WDFY3: variants seen among roughly 807,000 people sequenced by gnomAD.
WDFY3 encodes WD repeat and FYVE domain containing 3.
A neutral mutation model predicts 409.6 loss-of-function variants in WDFY3; 66 were observed. The ratio of observed to expected loss-of-function variants is 0.16; its 90% confidence interval spans 0.13 to 0.20. The LOEUF (loss-of-function observed/expected upper bound fraction) is 0.20, where lower values mean the gene tolerates loss of function less well. WDFY3 is among the 10% of genes least tolerant of loss of function. WDFY3 has a pLI of 1.00. For synonymous variants in WDFY3, 1,521 were observed against 1,537.1 expected, an observed-to-expected ratio of 0.99 and a Z score of 0.25; for missense variants, 3,031 against 4,298.1, an observed-to-expected ratio of 0.71 and a Z score of 8.24.
Position 84,718,582 on chromosome 4 carries a change from C to T in WDFY3, c.7606-12G>A, listed in dbSNP as rs1458266138. 1.2e-6 allele frequency: 2 copies of T among 1,601,504 alleles called. No homozygotes were observed. The highest frequency in any genetic ancestry group is 1.8e-5 in the Admixed American group (1 of 56,772). The stretch of plus-strand genomic sequence containing the variant: ...TACATGTGTTGGATCTATAAAGAAG[C>T]CCACAAACATTCATTAATATAGGCT... On this transcript the variant is annotated splice_polypyrimidine_tract_variant and intron_variant, in intron 47 of 67. Coordinates refer to ENST00000295888, the MANE Select transcript of WDFY3 (RefSeq NM_014991.6).
At chr4:84,731,296 T>G (rs933792213) in intron 44 of WDFY3, among the ~76,000 whole-genome samples, 2 of 152,224 alleles carry the variant, frequency 1.3e-5, no homozygotes, top group Non-Finnish European at 2.9e-5. Context: ...TTTGAAAATT[T>G]GTTTTTAACT....
In WDFY3 at chr4:84,889,771, T is replaced by TA. The variant is rs534101914; in HGVS notation, c.-32+7139dup. 7.4e-4 allele frequency among the ~76,000 whole-genome samples: 113 copies of TA among 152,292 alleles called. 1 individual carries two copies. Among genetic ancestry groups the TA allele is most frequent in the African/African-American group, 2.5e-3 (102 of 41,568 alleles). The stretch of plus-strand genomic sequence containing the variant: ...GTTGTAAGAAAAGAGAGTCAGAATA[T>TA]ATGTGATATGACTACCACATGGAAG... On this transcript the variant is annotated intron_variant, in intron 3 of 67. Transcript: ENST00000295888.
At chr4:84,715,246 C>A in intron 50 of WDFY3, 52 bp downstream of exon 50, 1 of 982,720 alleles carries the variant, frequency 1.0e-6, no homozygotes, top group Non-Finnish European at 1.5e-6. Flanking sequence ...AAAAGATTCC[C>A]CCTCCCATAT....
Position 84,692,945 on chromosome 4 carries a change from T to C in WDFY3, c.8989A>G (p.Ser2997Gly), listed in dbSNP as rs1729500187. The C allele has an allele frequency of 1.9e-6, 3 of 1,613,640 alleles. No individual in the cohort carries two copies. The highest frequency in any genetic ancestry group is 2.2e-5 in the South Asian group (2 of 90,918). The stretch of plus-strand genomic sequence containing the variant: ...AGATGATGAAAAAAGATCTTGTCAC[T>C]TGTAGATCCTGGTAGGACAGAGATT... ...AGISVLPGST[S>G]DKIFFHHLDN... The change falls in exon 59 of 68, where the codon AGT becomes GGT. Residue 2997 changes from serine to glycine, a missense_variant. Around this residue, in one of 16 missense-constraint regions of WDFY3, gnomAD observed 152 missense variants for 193.5 expected, o/e 0.79. Coordinates refer to ENST00000295888, the MANE Select transcript of WDFY3 (RefSeq NM_014991.6).
Position 84,947,437 on chromosome 4 carries a change from G to A in WDFY3, c.-225-15074C>T, listed in dbSNP as rs965267211. Among the ~76,000 whole-genome samples the A allele has an allele frequency of 4.0e-5, 6 of 150,672 alleles. No individual in the cohort carries two copies. The East Asian group carries it at 1.0e-3, about 25-fold the overall frequency. ...TGAGGCAGGAGAATCGCTTGAACTCGGGAGGTGGAGGTTGCAGTGAGCCAA... is the reference window on the plus strand; with the variant it reads ...TGAGGCAGGAGAATCGCTTGAACTCAGGAGGTGGAGGTTGCAGTGAGCCAA... On this transcript the variant is annotated intron_variant, in intron 1 of 67. Transcript: ENST00000295888.
At chr4:84,951,346 C>A (rs756464088) in intron 1 of WDFY3, among the ~76,000 whole-genome samples, 1 of 152,168 alleles carries the variant, frequency 6.6e-6, no homozygotes, top group Non-Finnish European at 1.5e-5. Flanking sequence ...TCCTTTGTAA[C>A]AGAAGTCACA....
intron 2 of WDFY3, among the ~76,000 whole-genome samples, chr4:84,924,877 G>A (rs565615140): frequency 9.9e-5 from 15 of 152,266 alleles, no homozygotes; most frequent in African/African-American, 3.6e-4. Flanking sequence ...TATAGCCAAA[G>A]TGTAAGATCA....
intron 24 of WDFY3, among the ~76,000 whole-genome samples, chr4:84,783,862 T>TACACACACACACACAC (rs137878462): frequency 3.5e-5 from 5 of 140,856 alleles, no homozygotes; most frequent in African/African-American, 1.0e-4. Context: ...GTGTCATACA[T>TACACACACACACACAC]ACACACACAC....
At chr4:84,812,091 T>C (rs1373052196) in intron 13 of WDFY3, among the ~76,000 whole-genome samples, 1 of 152,204 alleles carries the variant, frequency 6.6e-6, no homozygotes, top group Non-Finnish European at 1.5e-5. Context: ...CCTTTTGACA[T>C]ATACTGTTTC....
chr4:84,868,169 CTCAAAAAAAAAAAAAAA>C (rs1761675540), intron 3 of WDFY3, among the ~76,000 whole-genome samples: 1 of 47,072 alleles, frequency 2.1e-5, no homozygotes, highest in African/African-American at 1.0e-4. Context: ...GAGACTCTGT[CTCAAAAAAAAAAAAAAA>C]AAAAAAAAAA....
chr4:84,949,292 T>C (rs1334400750), intron 1 of WDFY3, among the ~76,000 whole-genome samples: 2 of 152,190 alleles, frequency 1.3e-5, no homozygotes, highest in Non-Finnish European at 2.9e-5. Flanking sequence ...CTAAATGGCA[T>C]AAGCTGGAAA....
intron 67 of WDFY3, among the ~76,000 whole-genome samples, chr4:84,674,654 G>A (rs1161139504): frequency 1.3e-5 from 2 of 151,818 alleles, no homozygotes; most frequent in African/African-American, 4.8e-5. Flanking sequence ...CAGACCACAA[G>A]GTCAGGAGTT....
chr4:84,844,427 A>G (rs1405221510), intron 5 of WDFY3: 2 of 1,287,148 alleles, frequency 1.6e-6, no homozygotes, highest in African/African-American at 1.5e-5. Flanking sequence ...ATTTGACAAT[A>G]TATAACCACA....
intron 49 of WDFY3, among the ~76,000 whole-genome samples, chr4:84,716,220 G>C (rs1021394484): frequency 6.6e-6 from 1 of 151,536 alleles, no homozygotes; most frequent in Admixed American, 6.6e-5. Context: ...GGCGGATCAC[G>C]AGGTCAGGAG....
At chr4:84,732,355 T>C (rs145208215) in intron 44 of WDFY3, among the ~76,000 whole-genome samples, 27 of 152,336 alleles carry the variant, frequency 1.8e-4, no homozygotes, top group African/African-American at 6.3e-4. Context: ...AATTAACATA[T>C]TCATCGCCTC....
At chr4:84,776,652 A>G (rs943584218) in intron 27 of WDFY3, among the ~76,000 whole-genome samples, 2 of 152,008 alleles carry the variant, frequency 1.3e-5, no homozygotes, top group Non-Finnish European at 2.9e-5. Context: ...TTTTTCCTCT[A>G]ATGGACTAAA....
intron 3 of WDFY3, among the ~76,000 whole-genome samples, chr4:84,868,147 G>A (rs1761667584): frequency 8.9e-6 from 1 of 112,228 alleles, no homozygotes; most frequent in Admixed American, 1.3e-4. Context: ...ACTCCAGCCT[G>A]GGTGACAGAG....
In WDFY3 at chr4:84,741,892, C is replaced by T; in HGVS notation, c.6103G>A (p.Gly2035Arg). The T allele has an allele frequency of 6.2e-7, 1 of 1,606,168 alleles. No homozygotes were observed. The highest frequency in any genetic ancestry group is 2.2e-5 in the East Asian group (1 of 44,714). ...TTCACCAATACCTGGTAGCTTCCTC[C>T]ACTGGTAATAGGCAGAGATGCATCT... ...GEDASLPITS[G>R]GSYQVLVNNV... The change falls in exon 38 of 68, where the codon GGA becomes AGA. Residue 2035 changes from glycine to arginine, a missense_variant. This residue lies in a region of WDFY3 where 314 missense variants were observed against 397.4 expected (regional missense o/e 0.79). Coordinates refer to ENST00000295888, the MANE Select transcript of WDFY3 (RefSeq NM_014991.6).
chr4:84,733,649 A>G (rs1736974257), intron 43 of WDFY3, 40 bp from the exon 44 acceptor site: 1 of 1,555,658 alleles, frequency 6.4e-7, no homozygotes. Context: ...AAGCAAAAGC[A>G]GGAGTAACAG....
Sources: allele counts gnomAD v4.1 joint callset (sites outside exome capture counted in the v4.1 genomes callset), GRCh38; gene constraint gnomAD v4.1.1; regional missense constraint gnomAD v4.1.1; transcripts MANE v1.5; gene names NCBI Gene and HGNC (gene_info 2026-07-23, HGNC 2026-07-21).